PTOV1: variants seen among roughly 807,000 people sequenced by gnomAD.
PTOV1 encodes prostate tumor-overexpressed gene 1 protein.
PTOV1 carries 20 observed loss-of-function variants against 58.0 expected under a neutral mutation model. That is an observed-to-expected ratio of 0.34 (90% CI 0.24 to 0.50). The LOEUF is 0.50. Among genes scored for constraint, PTOV1 ranks in the 20% least tolerant of loss-of-function variants. The probability of loss-of-function intolerance (pLI) is 0.98; values close to 1 mark genes in which losing one functional copy is unlikely to be tolerated. For synonymous variants in PTOV1, 335 were observed against 234.2 expected (o/e 1.43, Z -3.93); for missense variants, 593 against 565.4 (o/e 1.05, Z -0.50).
In PTOV1 at chr19:49,854,788, G is replaced by A. The variant is rs749720183; in HGVS notation, c.393-43G>A. 6.0e-5 allele frequency: 97 copies of A among 1,613,054 alleles called. 1 individual carries two copies. Among genetic ancestry groups the A allele is most frequent in the Non-Finnish European group, 7.8e-5 (92 of 1,179,942 alleles). ...GGTGGCAGGGGCAGTGGCTGTGGCC[G>A]TGGGGATCAGGGCAGCCCTTTCTGA... On this transcript the variant is annotated intron_variant, in intron 3 of 11. Coordinates refer to ENST00000391842, the Ensembl canonical transcript of PTOV1.
At chr19:49,851,082 C>T (rs1568633649), upstream of PTOV1, 1 of 1,455,150 alleles carries the variant, frequency 6.9e-7, no homozygotes, top group Non-Finnish European at 9.0e-7. Flanking sequence ...GGCCCCGCTC[C>T]CCCGCGCCGC....
In PTOV1 at chr19:49,857,795, C is replaced by T; in HGVS notation, c.804+13C>T. On this transcript the variant is annotated intron_variant, in intron 7 of 11. Transcript: ENST00000391842. Reference sequence around the variant, plus strand: ...GGAGTGGCAGGAGGTGAGCACTCGGCAGCCCAGGGACTTGGGACCCCCAGA... The same window carrying T: ...GGAGTGGCAGGAGGTGAGCACTCGGTAGCCCAGGGACTTGGGACCCCCAGA... The T allele has an allele frequency of 1.2e-6, 2 of 1,613,854 alleles. No homozygotes were observed. Among genetic ancestry groups the T allele is most frequent in the Non-Finnish European group, 1.7e-6 (2 of 1,179,810 alleles).
intron 9 of PTOV1, chr19:49,858,337 C>T (rs539224002): frequency 5.2e-5 from 36 of 696,648 alleles, no homozygotes; most frequent in Admixed American, 2.2e-4. Context: ...GGGGCAGCCA[C>T]GACCTGCACC....
At chr19:49,858,095 T>C in exon 9 of PTOV1, 1 of 1,613,812 alleles carries the variant, frequency 6.2e-7, no homozygotes, top group Non-Finnish European at 8.5e-7. Flanking sequence ...TACATGCAGC[T>C]CATCCCGCAG....
In PTOV1 at chr19:49,854,172, G is replaced by A. The variant is rs181620884; in HGVS notation, c.172-234G>A. On this transcript the variant is annotated intron_variant, in intron 1 of 11. Transcript: ENST00000391842. ...CAGGACTCTGCTGGGCCAGTGTCAA[G>A]GTGACAGCAGGCTCTGGGAAGGAAG... Among the ~76,000 whole-genome samples, 10 of 152,360 alleles carry A rather than the reference G, an allele frequency of 6.6e-5. No homozygotes were observed. In the East Asian group the frequency reaches 1.3e-3, roughly 21 times the overall value.
rs768292901 is a variant in PTOV1, at chr19:49,855,091, G to C, written c.558+14G>C. The C allele has an allele frequency of 1.3e-6, 2 of 1,569,912 alleles. No individual in the cohort carries two copies. Among genetic ancestry groups the C allele is most frequent in the Non-Finnish European group, 1.7e-6 (2 of 1,154,646 alleles). On this transcript the variant is annotated intron_variant, in intron 5 of 11. Coordinates refer to ENST00000391842, the Ensembl canonical transcript of PTOV1. ...GGCAACGGCTTCGTGAGTGGGGCGG[G>C]CTCCCTTGTAGCACTGTGGTGACAA...
chr19:49,859,778 G>A (rs990057966), intron 10 of PTOV1: 18 of 603,746 alleles, frequency 3.0e-5, no homozygotes, highest in Non-Finnish European at 4.4e-5. Flanking sequence ...GGCCCTTCCC[G>A]ACAGAGCCTG....
At chr19:49,854,616 A>G in intron 2 of PTOV1, 36 bp from the exon 3 acceptor site, 1 of 1,613,102 alleles carries the variant, frequency 6.2e-7, no homozygotes, top group Non-Finnish European at 8.5e-7. Flanking sequence ...CAGGGCATCT[A>G]GGCTGTGCAC....
Position 49,857,991 on chromosome 19 carries a change from T to TG in PTOV1, c.878+20dup, listed in dbSNP as rs768891544. On this transcript the variant is annotated intron_variant, in intron 8 of 11. Transcript: ENST00000391842. ...GGGGGAGATCCTGTGAGTGCTGGGCTGGGGGGTGGAGGCAGCATCCAGGGG... is the reference window on the plus strand; with the variant it reads ...GGGGGAGATCCTGTGAGTGCTGGGCTGGGGGGGTGGAGGCAGCATCCAGGGG... 1.2e-5 allele frequency: 19 copies of TG among 1,612,998 alleles called. No homozygotes were observed. The highest frequency in any genetic ancestry group is 4.5e-5 in the East Asian group (2 of 44,856).
chr19:49,855,830 A>G (rs942461059), intron 5 of PTOV1, among the ~76,000 whole-genome samples: 8 of 151,946 alleles, frequency 5.3e-5, no homozygotes, highest in Non-Finnish European at 1.0e-4. Context: ...TTTAGTACCT[A>G]GTGAGTGCTG....
At chr19:49,855,047 G>T in exon 5 of PTOV1, 1 of 1,598,512 alleles carries the variant, frequency 6.3e-7, no homozygotes. Flanking sequence ...ACTCGCTCAA[G>T]GGGCTCTGCC....
At chr19:49,854,879 G>A (rs1460438751) in exon 4 of PTOV1, 5 of 1,612,918 alleles carry the variant, frequency 3.1e-6, no homozygotes, top group Non-Finnish European at 4.2e-6. Flanking sequence ...TGATCCCTCA[G>A]CAGCTGCTGG....
intron 10 of PTOV1, chr19:49,858,863 C>CT: frequency 1.9e-6 from 1 of 537,440 alleles, no homozygotes; most frequent in Non-Finnish European, 3.4e-6. Context: ...CGGGGGCCTG[C>CT]TCCTCCTCTG....
At chr19:49,851,028 G>A (rs891739612), upstream of PTOV1, 3 of 1,525,324 alleles carry the variant, frequency 2.0e-6, no homozygotes, top group Non-Finnish European at 1.8e-6. Context: ...CCCCGCGCCG[G>A]AGAGGCCCGC....
intron 1 of PTOV1, 94 bp downstream of exon 1, chr19:49,851,593 C>T: frequency 4.9e-6 from 5 of 1,019,348 alleles, no homozygotes; most frequent in Non-Finnish European, 6.1e-6. Flanking sequence ...CCCCGCCGCT[C>T]CGGGGTGTCC....
intron 5 of PTOV1, chr19:49,856,510 T>C (rs1286621727): frequency 1.2e-5 from 2 of 172,774 alleles, no homozygotes; most frequent in East Asian, 3.3e-4. Flanking sequence ...GCACTTTATC[T>C]GTTGAGCCTT....
At chr19:49,857,377 T>C in intron 6 of PTOV1, 1 of 624,658 alleles carries the variant, frequency 1.6e-6, no homozygotes, top group South Asian at 1.9e-5. Flanking sequence ...AGCGGGGAGC[T>C]GGGCAGGGGT....
upstream of PTOV1, chr19:49,850,720 C>T (rs976546410): frequency 3.6e-6 from 3 of 834,004 alleles, no homozygotes; most frequent in Non-Finnish European, 5.3e-6. Flanking sequence ...GCCACGTCAC[C>T]GACTGCAAAC....
At chr19:49,856,761 G>A (rs894633929) in intron 5 of PTOV1, 1 of 560,630 alleles carries the variant, frequency 1.8e-6, no homozygotes, top group Non-Finnish European at 3.1e-6. Flanking sequence ...GGTGCCGGGT[G>A]CCACTCTGAC....
Sources: gnomAD v4.1 joint callset for allele counts (sites outside exome capture counted in the v4.1 genomes callset) on GRCh38, gnomAD v4.1.1 for gene constraint, MANE v1.5 for transcripts, NCBI Gene and HGNC (gene_info 2026-07-23, HGNC 2026-07-21) for gene names.